ADGRL2: variants seen among roughly 807,000 people sequenced by gnomAD.
ADGRL2 encodes calcium-independent alpha-latrotoxin receptor 2.
ADGRL2 carries 44 observed loss-of-function variants against 157.4 expected under a neutral mutation model. That is an observed-to-expected ratio of 0.28 (90% confidence interval 0.22 to 0.36). The LOEUF (loss-of-function observed/expected upper bound fraction) is 0.36. ADGRL2 is among the 10% of genes least tolerant of loss of function. The pLI, the probability that ADGRL2 is intolerant of heterozygous loss-of-function variation, is 1.00. For missense variants in ADGRL2, 1,510 were observed against 1,768.9 expected (o/e 0.85, Z 2.63); for synonymous variants, 585 against 624.7 (o/e 0.94, Z 0.95).
chr1:81,416,402 C>A (rs1570907913), intron 1 of ADGRL2, among the ~76,000 whole-genome samples: 1 of 151,854 alleles, frequency 6.6e-6, no homozygotes, highest in Admixed American at 6.6e-5. Flanking sequence ...TTAACAGAGA[C>A]TTGCTAAAGA....
chr1:81,679,771 C>G (rs2083070867), intron 3 of ADGRL2, among the ~76,000 whole-genome samples: 1 of 152,014 alleles, frequency 6.6e-6, no homozygotes. Flanking sequence ...CTGGAAGTAC[C>G]TCATGCTAAA....
rs550408761 is a variant in ADGRL2, at chr1:81,506,045, A to G, written c.-248+60956A>G. On this transcript the variant is annotated intron_variant, in intron 2 of 24. Coordinates refer to the ADGRL2 transcript ENST00000370721. ...ACTGGTGAGCATGCAAAATTACAGG[A>G]AATGCAGAGAACAAAATGGGCAGAG... 9 of 172,782 alleles carry G rather than the reference A, an allele frequency of 5.2e-5. No homozygotes were observed. The East Asian group carries it at 1.4e-3, about 27-fold the overall frequency. 10.7% of individuals were successfully genotyped at this position (172,782 alleles called of 1,614,324 possible).
At chr1:81,547,316 T>G (rs374356477) in intron 2 of ADGRL2, among the ~76,000 whole-genome samples, 97 of 152,312 alleles carry the variant, frequency 6.4e-4, no homozygotes, top group African/African-American at 2.0e-3. Flanking sequence ...TGTAAAGCGA[T>G]AGCTTCTCAT....
intron 1 of ADGRL2, among the ~76,000 whole-genome samples, chr1:81,354,644 G>T (rs749411910): frequency 1.3e-5 from 2 of 152,002 alleles, no homozygotes; most frequent in East Asian, 1.9e-4. Context: ...GACAGGCCTC[G>T]TTTTCCTGTA....
At chr1:81,492,432 A>G (rs1570268203) in intron 2 of ADGRL2, among the ~76,000 whole-genome samples, 1 of 152,210 alleles carries the variant, frequency 6.6e-6, no homozygotes, top group Non-Finnish European at 1.5e-5. Flanking sequence ...AGTTAAACAC[A>G]CAGAACTTTA....
At chr1:81,953,548 A>G (rs543036438) in intron 10 of ADGRL2, among the ~76,000 whole-genome samples, 1 of 152,132 alleles carries the variant, frequency 6.6e-6, no homozygotes, top group East Asian at 1.9e-4. Flanking sequence ...ATATAATTTG[A>G]CTGTGATATC....
intron 19 of ADGRL2, among the ~76,000 whole-genome samples, chr1:81,983,348 A>T (rs1325535991): frequency 6.6e-6 from 1 of 151,984 alleles, no homozygotes; most frequent in Non-Finnish European, 1.5e-5. Context: ...CATGGTTTTA[A>T]CTGCTTGAAT....
chr1:81,543,432 C>T (rs1028933116), intron 2 of ADGRL2, among the ~76,000 whole-genome samples: 2 of 152,212 alleles, frequency 1.3e-5, no homozygotes, highest in African/African-American at 4.8e-5. Flanking sequence ...TTCCCAGCCT[C>T]TAAAACTGAG....
chr1:81,445,119 A>G (rs2077575742), intron 2 of ADGRL2: 1 of 152,356 alleles, frequency 6.6e-6, no homozygotes, highest in African/African-American at 2.4e-5. Flanking sequence ...ATAAGATACA[A>G]TAGCTTCAAT....
At chr1:81,715,439 A>G (rs1293158726) in intron 1 of ADGRL2, among the ~76,000 whole-genome samples, 2 of 152,092 alleles carry the variant, frequency 1.3e-5, no homozygotes, top group Admixed American at 1.3e-4. Context: ...CCACTGTGAG[A>G]TTTTTCTGTT....
At chr1:81,644,924 C>T (rs2082284578) in intron 3 of ADGRL2, among the ~76,000 whole-genome samples, 3 of 152,204 alleles carry the variant, frequency 2.0e-5, no homozygotes, top group African/African-American at 7.2e-5. Context: ...GTAGCTCTCA[C>T]ATTCATATAT....
At chr1:81,586,633 A>G (rs1329405507) in intron 3 of ADGRL2, among the ~76,000 whole-genome samples, 1 of 152,128 alleles carries the variant, frequency 6.6e-6, no homozygotes, top group African/African-American at 2.4e-5. Flanking sequence ...AGAAAAAGCT[A>G]AAAATGTAAA....
At chr1:81,439,009 G>T (rs1348510635) in intron 1 of ADGRL2, among the ~76,000 whole-genome samples, 4 of 151,890 alleles carry the variant, frequency 2.6e-5, no homozygotes, top group Admixed American at 2.6e-4. Flanking sequence ...CTTTCTCAAG[G>T]TAGACTTTGC....
Position 81,968,117 on chromosome 1 carries a change from T to C in ADGRL2, c.2441T>C (p.Val814Ala), listed in dbSNP as rs779511713. The C allele has an allele frequency of 5.3e-5, 85 of 1,613,302 alleles. No homozygotes were observed. In the South Asian group the frequency reaches 9.1e-4, roughly 17 times the overall value. Residue 814 changes from valine (V) to alanine (A), a missense_variant, in exon 14 of 24, where the codon GTT becomes GCT. Physicochemically the swap from Val to Ala is moderately conservative, Grantham distance 64. Transcript: ENST00000686636. ...GYWSTQGCKL[V>A]DTNKTRTTCA... Reference sequence around the variant, plus strand: ...TGGTCTACCCAGGGCTGCAAGCTGGTTGACACTAATAAAACTCGAACAACG... The same window carrying C: ...TGGTCTACCCAGGGCTGCAAGCTGGCTGACACTAATAAAACTCGAACAACG...
intron 2 of ADGRL2, among the ~76,000 whole-genome samples, chr1:81,449,284 A>C (rs1022564016): frequency 1.3e-5 from 2 of 151,976 alleles, no homozygotes; most frequent in African/African-American, 4.8e-5. Flanking sequence ...TTGGGGGCTA[A>C]ATAACCAGTG....
chr1:81,471,418 T>C (rs1571065556), intron 2 of ADGRL2, among the ~76,000 whole-genome samples: 2 of 152,202 alleles, frequency 1.3e-5, no homozygotes, highest in African/African-American at 4.8e-5. Context: ...ATATAGTATA[T>C]CTGTTATCAG....
chr1:81,492,935 G>T (rs112633739), intron 2 of ADGRL2, among the ~76,000 whole-genome samples: 4 of 152,222 alleles, frequency 2.6e-5, no homozygotes, highest in African/African-American at 9.6e-5. Flanking sequence ...GGTATAAAAT[G>T]ACCTTGAATT....
intron 6 of ADGRL2, among the ~76,000 whole-genome samples, chr1:81,944,467 T>C (rs1649110789): frequency 6.6e-6 from 1 of 152,042 alleles, no homozygotes; most frequent in Non-Finnish European, 1.5e-5. Flanking sequence ...TTTTTGGAAA[T>C]ATACTTTGGT....
chr1:81,441,625 G>A (rs2077508837), intron 1 of ADGRL2, among the ~76,000 whole-genome samples: 1 of 152,076 alleles, frequency 6.6e-6, no homozygotes, highest in African/African-American at 2.4e-5. Context: ...CCCAGGTTCA[G>A]GTTCAAGTGA....
Sources: gnomAD v4.1 joint callset for allele counts (sites outside exome capture counted in the v4.1 genomes callset) on GRCh38, gnomAD v4.1.1 for gene constraint, MANE v1.5 for transcripts, NCBI Gene and HGNC (gene_info 2026-07-23, HGNC 2026-07-21) for gene names.